Variants in PTPN3 observed in about 807,000 individuals in gnomAD.
PTPN3 encodes the protein tyrosine-protein phosphatase non-receptor type 3.
Under a neutral mutation model 132.7 loss-of-function variants are expected in PTPN3, and 96 were observed. That is an observed-to-expected ratio of 0.72 (90% CI 0.61 to 0.86). The LOEUF is 0.86. Ranked by LOEUF, PTPN3 falls within the 40% of genes least tolerant of loss-of-function variation. The probability of loss-of-function intolerance (pLI) is 0.00; values close to 1 mark genes in which losing one functional copy is unlikely to be tolerated. For synonymous variants in PTPN3, 398 were observed against 429.0 expected (o/e 0.93, Z 0.89); for missense variants, 1,125 against 1,159.6 (o/e 0.97, Z 0.43).
intron 10 of PTPN3, among the ~76,000 whole-genome samples, chr9:109,431,124 A>G (rs552972751): frequency 6.6e-6 from 1 of 152,274 alleles, no homozygotes; most frequent in Non-Finnish European, 1.5e-5. Context: ...CCTCGACAGG[A>G]GCCATCTTGA....
At chr9:109,398,382 A>G (rs1372204204) in intron 19 of PTPN3, among the ~76,000 whole-genome samples, 1 of 152,218 alleles carries the variant, frequency 6.6e-6, no homozygotes, top group Non-Finnish European at 1.5e-5. Context: ...GCCCTTCCAA[A>G]TGCACCTTTT....
At chr9:109,451,253 G>C (rs1845227515) in intron 5 of PTPN3, 2 of 984,838 alleles carry the variant, frequency 2.0e-6, no homozygotes, top group South Asian at 9.4e-5. Context: ...TGGCAGTCCT[G>C]GTGGCCCACC....
intron 1 of PTPN3, among the ~76,000 whole-genome samples, chr9:109,473,340 C>G (rs1251423344): frequency 6.6e-6 from 1 of 152,174 alleles, no homozygotes; most frequent in African/African-American, 2.4e-5. Context: ...AAACTGAGAT[C>G]TGTAATTACT....
In PTPN3 at chr9:109,436,964, T is replaced by C. The variant is rs1002618443; in HGVS notation, c.594A>G (p.Leu198=). 1 of 1,613,934 alleles carries C rather than the reference T, an allele frequency of 6.2e-7. No homozygotes were observed. The highest frequency in any genetic ancestry group is 1.3e-5 in the African/African-American group (1 of 74,948). ...AGCAGGATTCTGCTTCTGATTGTTT[T>C]AGCCCACTACGGAAGAAAAGACAAA... is the stretch of plus-strand genomic sequence containing the variant. ...VESLHEQHSG[L]KQSEAESCYI... Residue 198 remains leucine (L), a synonymous_variant, in exon 9 of 26, where the codon CTA becomes CTG. Transcript: ENST00000374541.
the PTPN3 span, among the ~76,000 whole-genome samples, chr9:109,514,295 T>G: frequency 2.6e-5 from 4 of 152,166 alleles, no homozygotes; most frequent in Non-Finnish European, 4.4e-5. Flanking sequence ...GAATAAGCTA[T>G]TCCTCTGCTT....
the PTPN3 span, among the ~76,000 whole-genome samples, chr9:109,509,815 T>C: frequency 6.6e-6 from 1 of 152,130 alleles, no homozygotes; most frequent in African/African-American, 2.4e-5. Context: ...GATGTTGGGT[T>C]CCTGACCCAA....
At chr9:109,537,923 C>G in the PTPN3 span, among the ~76,000 whole-genome samples, 1 of 152,250 alleles carries the variant, frequency 6.6e-6, no homozygotes. Flanking sequence ...AACGTTCCCA[C>G]TTGCTGTCAT....
Position 109,393,373 on chromosome 9 carries a change from G to GT in PTPN3, c.1954-1813dup, listed in dbSNP as rs754599159. The stretch of plus-strand genomic sequence containing the variant: ...ACTATACCAAATAATATTTTTAATG[G>GT]TTTTTTTTGTCTTTTTTTTTTTTTT... On this transcript the variant is annotated intron_variant, in intron 19 of 25. Transcript: ENST00000374541. Among the ~76,000 whole-genome samples the GT allele has an allele frequency of 1.4e-3, 194 of 139,954 alleles. 1 individual carries two copies. Among genetic ancestry groups the GT allele is most frequent in the African/African-American group, 4.5e-3 (170 of 38,058 alleles). 91.8% of individuals were successfully genotyped at this position (139,954 alleles called of 152,430 possible).
At chr9:109,481,945 C>G (rs992562514) in intron 1 of PTPN3, among the ~76,000 whole-genome samples, 5 of 152,204 alleles carry the variant, frequency 3.3e-5, no homozygotes, top group Non-Finnish European at 7.3e-5. Flanking sequence ...ACATTGTGTA[C>G]AGTCAGAAAC....
At chr9:109,534,060 G>T in the PTPN3 span, 1 of 768,946 alleles carries the variant, frequency 1.3e-6, no homozygotes, top group South Asian at 1.4e-5. Flanking sequence ...TCTTCGTTTT[G>T]GCAGTCTGGG....
At chr9:109,399,108 G>C (rs937817873) in intron 19 of PTPN3, among the ~76,000 whole-genome samples, 3 of 152,204 alleles carry the variant, frequency 2.0e-5, no homozygotes, top group Non-Finnish European at 2.9e-5. Flanking sequence ...TTGGAGGATA[G>C]AGTGAGGGCT....
rs3793528 is a variant in PTPN3, at chr9:109,442,729, T to C, written c.466+2511A>G. Among the ~76,000 whole-genome samples the C allele has an allele frequency of 2.0e-3, 302 of 152,352 alleles. 4 individuals carry two copies. The East Asian group carries it at 0.036, about 18-fold the overall frequency. ...GTGCCATGCACTATTCTAATAGTTT[T>C]ACATACAGTCACTCATTTCATCTTC... On this transcript the variant is annotated intron_variant, in intron 7 of 25. Coordinates refer to ENST00000374541, the MANE Select transcript of PTPN3 (RefSeq NM_002829.4).
At chr9:109,416,528 C>T (rs1424134717) in intron 14 of PTPN3, among the ~76,000 whole-genome samples, 3 of 151,588 alleles carry the variant, frequency 2.0e-5, no homozygotes, top group African/African-American at 7.3e-5. Flanking sequence ...TCACTGCAGC[C>T]TCGACCTCCT....
intron 9 of PTPN3, among the ~76,000 whole-genome samples, chr9:109,434,830 G>C (rs1444408240): frequency 1.3e-5 from 2 of 152,332 alleles, no homozygotes; most frequent in South Asian, 2.1e-4. Context: ...TTCTAGAAGA[G>C]AGTTTGGCAC....
the PTPN3 span, among the ~76,000 whole-genome samples, chr9:109,510,595 A>ATT: frequency 8.6e-5 from 11 of 128,550 alleles, 1 homozygote; most frequent in Admixed American, 2.6e-4. Flanking sequence ...ATATATATAT[A>ATT]TATATATATA....
intron 1 of PTPN3, among the ~76,000 whole-genome samples, chr9:109,483,235 T>C (rs1212741211): frequency 6.6e-6 from 1 of 152,228 alleles, no homozygotes; most frequent in Non-Finnish European, 1.5e-5. Context: ...CTTTAGACCA[T>C]GTTCCTGGCA....
intron 7 of PTPN3, among the ~76,000 whole-genome samples, chr9:109,442,778 T>C (rs1844580531): frequency 6.6e-6 from 1 of 152,094 alleles, no homozygotes; most frequent in Non-Finnish European, 1.5e-5. Flanking sequence ...AAGGAGACAC[T>C]TATTATCCTC....
In PTPN3 at chr9:109,391,493, G is replaced by A; in HGVS notation, c.2022C>T (p.Asn674=). 1 of 1,613,762 alleles carries A rather than the reference G, an allele frequency of 6.2e-7. No homozygotes were observed. Among genetic ancestry groups the A allele is most frequent in the Non-Finnish European group, 8.5e-7 (1 of 1,179,742 alleles). Residue 674 remains asparagine, a synonymous_variant, in exon 20 of 26, where the codon AAC becomes AAT. Transcript: ENST00000374541. Reference sequence around the variant, plus strand: ...CACAAGGCAGCACATCTTTATATCGGTTTTTGTCCAAATTTTGAGGCAGCT... The same window carrying A: ...CACAAGGCAGCACATCTTTATATCGATTTTTGTCCAAATTTTGAGGCAGCT... ...FAKLPQNLDK[N]RYKDVLPYDT...
chr9:109,441,275 G>A (rs1048687326), intron 7 of PTPN3, among the ~76,000 whole-genome samples: 1 of 151,536 alleles, frequency 6.6e-6, no homozygotes, highest in South Asian at 2.1e-4. Flanking sequence ...GCTTTCTTCT[G>A]GTTGATAATA....
Sources: gnomAD v4.1 joint callset for allele counts (sites outside exome capture counted in the v4.1 genomes callset) on GRCh38, gnomAD v4.1.1 for gene constraint, MANE v1.5 for transcripts, NCBI Gene and HGNC (gene_info 2026-07-23, HGNC 2026-07-21) for gene names.